DCDC1: variants seen among roughly 807,000 people sequenced by gnomAD.
DCDC1 encodes the protein doublecortin domain containing 1, also known as doublecortin domain-containing protein 1.
Under a neutral mutation model 178.3 loss-of-function variants are expected in DCDC1, and 200 were observed. That is an observed-to-expected ratio of 1.12 (90% CI 1.00 to 1.26). The LOEUF (loss-of-function observed/expected upper bound fraction) is 1.26, where lower values mean the gene tolerates loss of function less well. DCDC1 is among the 50% of genes most tolerant of loss of function. The probability of loss-of-function intolerance (pLI) is 0.00; values close to 1 mark genes in which losing one functional copy is unlikely to be tolerated. For missense variants in DCDC1, 1,983 were observed against 1,749.2 expected (o/e 1.13, Z -2.38); for synonymous variants, 690 against 604.8 (o/e 1.14, Z -2.07).
intron 20 of DCDC1, among the ~76,000 whole-genome samples, chr11:31,052,692 C>T (rs1003363887): frequency 5.3e-5 from 8 of 151,862 alleles, no homozygotes; most frequent in African/African-American, 1.9e-4. Flanking sequence ...AAATCAACTC[C>T]ATGCAAATAC....
chr11:31,317,801 G>T (rs1949185667), intron 3 of DCDC1, among the ~76,000 whole-genome samples: 1 of 49,790 alleles, frequency 2.0e-5, no homozygotes, highest in Non-Finnish European at 3.4e-5. Context: ...GTTTGTCATA[G>T]ATAGCTCTTA....
At chr11:31,206,655 C>T (rs184470377) in intron 9 of DCDC1, among the ~76,000 whole-genome samples, 3 of 151,996 alleles carry the variant, frequency 2.0e-5, no homozygotes, top group Non-Finnish European at 2.9e-5. Flanking sequence ...CCTTGTGATC[C>T]GCCCCCCTCA....
intron 20 of DCDC1, among the ~76,000 whole-genome samples, chr11:31,056,022 A>C (rs2135436328): frequency 6.6e-6 from 1 of 152,306 alleles, no homozygotes; most frequent in South Asian, 2.1e-4. Flanking sequence ...GAATTTAAAA[A>C]TACGTATAGA....
At position 31,341,451 on chromosome 11, in the gene DCDC1, TAAC is replaced by T. The variant is rs1174483416; in HGVS notation, c.-124-5890_-124-5888del. On this transcript the variant is annotated intron_variant, in intron 1 of 38. Coordinates refer to ENST00000684477, the MANE Select transcript of DCDC1 (RefSeq NM_001387274.1). ...GATAGATAGATAGACATGTGTTGCT[TAAC>T]AACGGGGATACGTTCTGAGAAACCC... Among the ~76,000 whole-genome samples, 5 of 137,882 alleles carry T rather than the reference TAAC, an allele frequency of 3.6e-5. No homozygotes were observed. In the South Asian group the frequency reaches 6.7e-4, roughly 19 times the overall value. 90.5% of individuals were successfully genotyped at this position (137,882 alleles called of 152,430 possible). A position where few individuals can be genotyped will look rare whatever the true frequency, so the allele number is the denominator to read the frequency against.
chr11:31,309,142 T>TGTGTG (rs1555173338), intron 3 of DCDC1, among the ~76,000 whole-genome samples: 10,834 of 147,996 alleles, frequency 0.073, 894 homozygotes, highest in African/African-American at 0.2. Context: ...AAATAGATGT[T>TGTGTG]TGTGTGTGTG....
intron 32 of DCDC1, among the ~76,000 whole-genome samples, chr11:30,901,128 T>G (rs1469134198): frequency 6.6e-6 from 1 of 152,096 alleles, no homozygotes; most frequent in East Asian, 1.9e-4. Context: ...GGCCCACATA[T>G]AGTGAGAAAT....
At chr11:31,236,185 A>G (rs1275128785) in intron 9 of DCDC1, among the ~76,000 whole-genome samples, 1 of 148,970 alleles carries the variant, frequency 6.7e-6, no homozygotes, top group African/African-American at 2.4e-5. Context: ...ATCACTTCTT[A>G]TTTTATTCCA....
At chr11:31,244,127 A>G (rs1159883456) in intron 8 of DCDC1, among the ~76,000 whole-genome samples, 3 of 151,834 alleles carry the variant, frequency 2.0e-5, no homozygotes, top group African/African-American at 7.2e-5. Flanking sequence ...CCTACGTTAT[A>G]CTAAAAAATA....
intron 20 of DCDC1, among the ~76,000 whole-genome samples, chr11:30,985,940 G>C (rs1950617697): frequency 6.6e-6 from 1 of 152,086 alleles, no homozygotes; most frequent in Non-Finnish European, 1.5e-5. Flanking sequence ...ATTCAAAAAA[G>C]TGCCATTTTT....
chr11:31,290,833 CTTAA>C lies in DCDC1; in HGVS notation c.770_773del (p.Ile257ArgfsTer3). 6.2e-7 allele frequency: 1 copy of C among 1,612,022 alleles called. No individual in the cohort carries two copies. The highest frequency in any genetic ancestry group is 8.5e-7 in the Non-Finnish European group (1 of 1,179,080). ...ACCCATTCATTGTCCAAGTTACTTTCTTAATTAACAACAGATGGTCTAGAAGATA... is the reference window on the plus strand; with the variant it reads ...ACCCATTCATTGTCCAAGTTACTTTCTTAACAACAGATGGTCTAGAAGATA... On this transcript the variant is annotated frameshift_variant, in exon 7 of 39. Transcript: ENST00000684477. LOFTEE classifies it high-confidence loss of function.
At chr11:31,015,317 G>A (rs1952427783) in intron 20 of DCDC1, among the ~76,000 whole-genome samples, 1 of 152,064 alleles carries the variant, frequency 6.6e-6, no homozygotes, top group Admixed American at 6.5e-5. Context: ...TGTTAATGTT[G>A]TTAAGTCCTC....
At chr11:31,294,798 AAAAGAAAGAAAGAAAGAAAGAAAG>A (rs199955696) in intron 6 of DCDC1, among the ~76,000 whole-genome samples, 10,959 of 125,280 alleles carry the variant, frequency 0.087, 536 homozygotes, top group East Asian at 0.15. Flanking sequence ...AAAATAAAGA[AAAAGAAAGAAAGAAAGAAAGAAAG>A]AAAGAAAGAA....
At chr11:31,126,830 T>TTAC (rs1961693971) in intron 11 of DCDC1, among the ~76,000 whole-genome samples, 1 of 152,176 alleles carries the variant, frequency 6.6e-6, no homozygotes, top group Non-Finnish European at 1.5e-5. Context: ...TCCCTAAGCT[T>TTAC]TTAGTACCAA....
intron 18 of DCDC1, among the ~76,000 whole-genome samples, chr11:31,072,156 A>G (rs1170463083): frequency 6.6e-6 from 1 of 152,184 alleles, no homozygotes; most frequent in Non-Finnish European, 1.5e-5. Context: ...GTTAAAGGGA[A>G]GAAAATACCA....
At chr11:30,888,972 C>A (rs1334044066) in intron 36 of DCDC1, among the ~76,000 whole-genome samples, 2 of 152,216 alleles carry the variant, frequency 1.3e-5, no homozygotes, top group South Asian at 4.1e-4. Flanking sequence ...CTATTGCACA[C>A]TCCCTGTGGG....
At chr11:31,139,377 AAACTTAAATATCAAGCTC>A in intron 9 of DCDC1, among the ~76,000 whole-genome samples, 1 of 152,292 alleles carries the variant, frequency 6.6e-6, no homozygotes, top group South Asian at 2.1e-4. Context: ...AATACTAAGA[AAACTTAAATATCAAGCTC>A]AACTTCCACA....
intron 1 of DCDC1, among the ~76,000 whole-genome samples, chr11:31,360,513 A>T (rs1448150131): frequency 6.6e-6 from 1 of 152,216 alleles, no homozygotes; most frequent in Non-Finnish European, 1.5e-5. Context: ...AATTAGCCAC[A>T]GTAAGAGATT....
chr11:30,881,092 T>G, intron 37 of DCDC1, 66 bp downstream of exon 37: 1 of 1,566,406 alleles, frequency 6.4e-7, no homozygotes, highest in East Asian at 2.3e-5. Context: ...ATATAAGCTC[T>G]TCCAAGAGAA....
chr11:31,313,644 T>G (rs1031335799), intron 3 of DCDC1, among the ~76,000 whole-genome samples: 2 of 152,194 alleles, frequency 1.3e-5, no homozygotes, highest in South Asian at 4.1e-4. Context: ...GTATGATAGT[T>G]TTGCTGAATT....
Sources: gnomAD v4.1 joint callset for allele counts (sites outside exome capture counted in the v4.1 genomes callset) on GRCh38, gnomAD v4.1.1 for gene constraint, MANE v1.5 for transcripts, NCBI Gene and HGNC (gene_info 2026-07-23, HGNC 2026-07-21) for gene names.